CTNNA3: variants seen among roughly 807,000 people sequenced by gnomAD.
CTNNA3 encodes the protein catenin alpha 3.
In CTNNA3, 76 loss-of-function variants were observed where a neutral mutation model predicts 95.7. The observed-to-expected ratio is 0.79, with a 90% CI of 0.66 to 0.96. The LOEUF (loss-of-function observed/expected upper bound fraction) is 0.96. Among genes scored for constraint, CTNNA3 ranks in the 40% least tolerant of loss-of-function variants. The probability of loss-of-function intolerance (pLI) is 0.00; values close to 1 mark genes in which losing one functional copy is unlikely to be tolerated. For missense variants in CTNNA3, 1,191 were observed against 1,089.8 expected (o/e 1.09, Z -1.31); for synonymous variants, 431 against 374.4 (o/e 1.15, Z -1.74).
chr10:67,163,356 G>T (rs1441598907), intron 7 of CTNNA3, among the ~76,000 whole-genome samples: 1 of 151,782 alleles, frequency 6.6e-6, no homozygotes, highest in Non-Finnish European at 1.5e-5. Context: ...AACTAAACAA[G>T]AAAAATCATA....
At chr10:67,514,021 A>G (rs1382171329) in intron 5 of CTNNA3, among the ~76,000 whole-genome samples, 1 of 152,186 alleles carries the variant, frequency 6.6e-6, no homozygotes, top group Non-Finnish European at 1.5e-5. Context: ...TTAAAATAAA[A>G]CAGTTGGGGC....
intron 7 of CTNNA3, among the ~76,000 whole-genome samples, chr10:66,929,983 T>G (rs1357278433): frequency 6.6e-6 from 1 of 152,166 alleles, no homozygotes; most frequent in Non-Finnish European, 1.5e-5. Flanking sequence ...CCCTACATCT[T>G]TAACCATGTC....
At chr10:66,479,042 CTTTA>C (rs71035146) in intron 11 of CTNNA3, among the ~76,000 whole-genome samples, 22,751 of 151,336 alleles carry the variant, frequency 0.15, 3,544 homozygotes, top group East Asian at 0.77. Flanking sequence ...GATTTTGTTT[CTTTA>C]TTTAGATCTT....
intron 1 of CTNNA3, among the ~76,000 whole-genome samples, chr10:67,716,609 A>G (rs1841145016): frequency 6.6e-6 from 1 of 152,152 alleles, no homozygotes. Context: ...GCTGACAACG[A>G]TGGTTTCCAG....
At chr10:66,898,664 C>T (rs1845600242) in intron 7 of CTNNA3, among the ~76,000 whole-genome samples, 2 of 152,134 alleles carry the variant, frequency 1.3e-5, no homozygotes, top group Non-Finnish European at 2.9e-5. Flanking sequence ...TGGATCCTTA[C>T]CTCACACTAA....
chr10:67,482,023 T>C (rs1228925216), intron 5 of CTNNA3, among the ~76,000 whole-genome samples: 1 of 152,110 alleles, frequency 6.6e-6, no homozygotes, highest in African/African-American at 2.4e-5. Context: ...CCCCATTGCT[T>C]GTTTTTCTCA....
At chr10:67,549,218 T>G (rs1291633437) in intron 3 of CTNNA3, among the ~76,000 whole-genome samples, 1 of 152,146 alleles carries the variant, frequency 6.6e-6, no homozygotes, top group South Asian at 2.1e-4. Context: ...CTTTAATAAC[T>G]GTAAAAACTA....
chr10:66,759,138 G>A (rs764118578), intron 9 of CTNNA3, among the ~76,000 whole-genome samples: 2 of 152,060 alleles, frequency 1.3e-5, no homozygotes, highest in African/African-American at 4.8e-5. Context: ...AAATGTCACC[G>A]CTTGTCAGAG....
chr10:66,108,541 G>C (rs1340793526), intron 13 of CTNNA3, among the ~76,000 whole-genome samples: 1 of 151,840 alleles, frequency 6.6e-6, no homozygotes, highest in Non-Finnish European at 1.5e-5. Context: ...TCTTATATTA[G>C]TGTATATATT....
chr10:67,112,914 T>G (rs1002215802), intron 7 of CTNNA3, among the ~76,000 whole-genome samples: 5 of 152,148 alleles, frequency 3.3e-5, no homozygotes, highest in African/African-American at 1.2e-4. Context: ...ACTTCAGAGC[T>G]AGGTCTGGAA....
intron 15 of CTNNA3, among the ~76,000 whole-genome samples, chr10:66,037,672 CG>C (rs5785745): frequency 0.77 from 117,125 of 151,668 alleles, 45,595 homozygotes; most frequent in South Asian, 0.91. Context: ...GATTCCAGTA[CG>C]GTCAAGAAAA....
intron 7 of CTNNA3, among the ~76,000 whole-genome samples, chr10:67,073,283 T>C (rs1925624): frequency 0.57 from 87,273 of 152,004 alleles, 25,346 homozygotes; most frequent in Middle Eastern, 0.69. Context: ...TAAAACTCTA[T>C]TGACACAAAA....
chr10:66,309,092 C>T (rs1331363278), intron 12 of CTNNA3, among the ~76,000 whole-genome samples: 1 of 152,176 alleles, frequency 6.6e-6, no homozygotes, highest in Non-Finnish European at 1.5e-5. Context: ...GGCTATCACT[C>T]ACGTCTACTT....
At chr10:66,804,189 T>C (rs758612661) in intron 7 of CTNNA3, among the ~76,000 whole-genome samples, 1 of 152,090 alleles carries the variant, frequency 6.6e-6, no homozygotes. Context: ...TATTTCAAGC[T>C]CTTAAACTGG....
chr10:67,237,122 G>GTGTGTA (rs1554810757), intron 5 of CTNNA3, among the ~76,000 whole-genome samples: 3 of 79,610 alleles, frequency 3.8e-5, no homozygotes, highest in Non-Finnish European at 8.6e-5. Flanking sequence ...AAACTATGGT[G>GTGTGTA]TATGTATATA....
intron 15 of CTNNA3, among the ~76,000 whole-genome samples, chr10:66,048,616 C>T (rs1448248327): frequency 6.6e-6 from 1 of 152,046 alleles, no homozygotes; most frequent in African/African-American, 2.4e-5. Flanking sequence ...AAAAAATTAG[C>T]CAGGCGTGCT....
At chr10:67,694,448 T>C (rs1262470233) in intron 1 of CTNNA3, among the ~76,000 whole-genome samples, 1 of 152,124 alleles carries the variant, frequency 6.6e-6, no homozygotes, top group African/African-American at 2.4e-5. Flanking sequence ...CCTTCAAACA[T>C]AGTGTTCTCT....
Position 66,445,348 on chromosome 10 carries a change from C to T in CTNNA3, c.1532-65996G>A, listed in dbSNP as rs200000103. On this transcript the variant is annotated intron_variant, in intron 11 of 17. Coordinates refer to ENST00000433211, the MANE Select transcript of CTNNA3 (RefSeq NM_013266.4). The stretch of plus-strand genomic sequence containing the variant: ...TAATAGACATCTACAGAACTCTCCA[C>T]CCCAAATCAACAGAATATACATTTT... Among the ~76,000 whole-genome samples, 18 of 152,164 alleles carry T rather than the reference C, an allele frequency of 1.2e-4. No individual in the cohort carries two copies. The East Asian group carries it at 1.4e-3, about 11-fold the overall frequency.
intron 7 of CTNNA3, among the ~76,000 whole-genome samples, chr10:66,918,855 G>C (rs1053696726): frequency 9.2e-5 from 14 of 152,112 alleles, no homozygotes; most frequent in African/African-American, 3.4e-4. Flanking sequence ...ACATATGTTG[G>C]CTGGGTGCGG....
Sources: gnomAD v4.1 joint callset for allele counts (sites outside exome capture counted in the v4.1 genomes callset) on GRCh38, gnomAD v4.1.1 for gene constraint, MANE v1.5 for transcripts, NCBI Gene and HGNC (gene_info 2026-07-23, HGNC 2026-07-21) for gene names.